Variants in IMMT observed in about 807,000 individuals in gnomAD.
IMMT encodes inner membrane mitochondrial protein.
A neutral mutation model predicts 92.7 loss-of-function variants in IMMT; 40 were observed. That is an observed-to-expected ratio of 0.43 (90% CI 0.34 to 0.56). The LOEUF is 0.56. Ranked by LOEUF, IMMT falls within the 20% of genes least tolerant of loss-of-function variation. The probability of loss-of-function intolerance (pLI) is 0.03; values close to 1 mark genes in which losing one functional copy is unlikely to be tolerated. For missense variants in IMMT, 831 were observed against 912.1 expected (o/e 0.91, Z 1.14); for synonymous variants, 322 against 336.1 (o/e 0.96, Z 0.46).
At chr2:86,151,610 G>A in intron 11 of IMMT, 90 bp from the exon 12 acceptor site, 1 of 974,808 alleles carries the variant, frequency 1.0e-6, no homozygotes, top group East Asian at 2.5e-5. Flanking sequence ...TATAATTTAA[G>A]AGCAGTAAAC....
chr2:86,185,836 A>G (rs530519557), intron 1 of IMMT, among the ~76,000 whole-genome samples: 1 of 152,232 alleles, frequency 6.6e-6, no homozygotes, highest in Non-Finnish European at 1.5e-5. Flanking sequence ...TATTCTGGAA[A>G]CGGAAGAATA....
intron 6 of IMMT, among the ~76,000 whole-genome samples, chr2:86,170,101 T>C (rs957574530): frequency 5.3e-5 from 8 of 150,932 alleles, no homozygotes; most frequent in Admixed American, 4.0e-4. Context: ...TTTACAAGTA[T>C]AAATTAACAA....
chr2:86,145,985 T>C, intron 14 of IMMT, 83 bp downstream of exon 14: 2 of 1,132,424 alleles, frequency 1.8e-6, no homozygotes, highest in South Asian at 2.2e-5. Context: ...TGTCAGTACA[T>C]GTACCCCATT....
chr2:86,181,781 G>A (rs569108603), intron 1 of IMMT, among the ~76,000 whole-genome samples: 4 of 152,154 alleles, frequency 2.6e-5, no homozygotes, highest in East Asian at 3.9e-4. Context: ...AAAACATGGC[G>A]TTACAGGATA....
Position 86,144,764 on chromosome 2 carries a change from C to T in IMMT, c.1781G>A (p.Ser594Asn). 6.2e-7 allele frequency: 1 copy of T among 1,613,758 alleles called. No individual in the cohort carries two copies. The highest frequency in any genetic ancestry group is 8.5e-7 in the Non-Finnish European group (1 of 1,179,904). The change falls in exon 15 of 15, where the codon AGT (serine) becomes AAT (asparagine). Residue 594 changes from serine to asparagine, a missense_variant. By Grantham distance (46) the Ser-to-Asn change is conservative (BLOSUM62 1). Coordinates refer to ENST00000410111, the MANE Select transcript of IMMT (RefSeq NM_006839.3). ...SAETPTIPLGSAVEAIKANCS... is the reference protein window; with the variant it reads ...SAETPTIPLGNAVEAIKANCS... ...GTTGGCTTTGATGGCCTCAACTGCACTACCCAGCGGGATAGTAGGTGTTTC... is the reference window on the plus strand; with the variant it reads ...GTTGGCTTTGATGGCCTCAACTGCATTACCCAGCGGGATAGTAGGTGTTTC...
intron 1 of IMMT, among the ~76,000 whole-genome samples, chr2:86,193,963 G>A (rs1370226959): frequency 6.6e-6 from 1 of 152,206 alleles, no homozygotes; most frequent in Non-Finnish European, 1.5e-5. Context: ...AGAGAGGAAA[G>A]ACCAAAGTAA....
chr2:86,185,830 CT>C (rs1199961492), intron 1 of IMMT, among the ~76,000 whole-genome samples: 1 of 152,120 alleles, frequency 6.6e-6, no homozygotes, highest in Non-Finnish European at 1.5e-5. Flanking sequence ...ACAACATATT[CT>C]GGAAACGGAA....
chr2:86,184,951 G>A (rs1438135458), intron 1 of IMMT, among the ~76,000 whole-genome samples: 3 of 152,284 alleles, frequency 2.0e-5, no homozygotes, highest in African/African-American at 4.8e-5. Context: ...CACTTTGGGA[G>A]GCCGAAGCGG....
intron 9 of IMMT, among the ~76,000 whole-genome samples, chr2:86,159,042 C>T (rs1413904126): frequency 6.7e-6 from 1 of 150,054 alleles, no homozygotes; most frequent in Non-Finnish European, 1.5e-5. Flanking sequence ...TAGAAAGTAT[C>T]AACAATATGG....
intron 7 of IMMT, among the ~76,000 whole-genome samples, chr2:86,163,753 A>G (rs1676449658): frequency 6.6e-6 from 1 of 151,844 alleles, no homozygotes; most frequent in Non-Finnish European, 1.5e-5. Context: ...TGAGCAGATC[A>G]CCTGAGGTCA....
chr2:86,160,118 G>GA (rs1676165681), intron 8 of IMMT: 1 of 152,650 alleles, frequency 6.6e-6, no homozygotes, highest in Non-Finnish European at 1.5e-5. Context: ...ATCAACAACT[G>GA]AAAACACCTT....
chr2:86,185,819 G>A (rs563336941), intron 1 of IMMT, among the ~76,000 whole-genome samples: 18 of 152,142 alleles, frequency 1.2e-4, no homozygotes, highest in Non-Finnish European at 1.9e-4. Flanking sequence ...AGCTGTAACA[G>A]ACAACATATT....
intron 12 of IMMT, among the ~76,000 whole-genome samples, chr2:86,149,072 G>A (rs1181601848): frequency 6.6e-6 from 1 of 152,234 alleles, no homozygotes; most frequent in Non-Finnish European, 1.5e-5. Context: ...GACCTGTTGT[G>A]AAGCATCAAC....
chr2:86,167,484 GTTTTTT>G (rs66768832), intron 6 of IMMT, among the ~76,000 whole-genome samples: 1 of 123,168 alleles, frequency 8.1e-6, no homozygotes. Context: ...TTTGTTTTTT[GTTTTTT>G]TTTTTTTTTT....
At chr2:86,147,629 C>A (rs763930479) in intron 13 of IMMT, 73 bp downstream of exon 13, 13 of 1,442,836 alleles carry the variant, frequency 9.0e-6, no homozygotes, top group Non-Finnish European at 1.2e-5. Flanking sequence ...CCTCAGAGTA[C>A]ATTAAAAGGA....
chr2:86,174,570 T>C (rs1213046581), intron 3 of IMMT, among the ~76,000 whole-genome samples: 1 of 152,196 alleles, frequency 6.6e-6, no homozygotes, highest in African/African-American at 2.4e-5. Context: ...AACTTGCCTC[T>C]TCACTGCTCC....
chr2:86,154,140 A>AG lies in IMMT; in HGVS notation c.1163-567dup, dbSNP rs773586231. 1.1e-4 allele frequency among the ~76,000 whole-genome samples: 17 copies of AG among 150,600 alleles called. No individual in the cohort carries two copies. In the East Asian group the frequency reaches 2.9e-3, roughly 26 times the overall value. ...CAGCCTCCCAAAGTGCTGGGATTACAGGCATGAGCCACTGCACCCAGCAAC... is the reference window on the plus strand; with the variant it reads ...CAGCCTCCCAAAGTGCTGGGATTACAGGGCATGAGCCACTGCACCCAGCAAC... On this transcript the variant is annotated intron_variant, in intron 10 of 14. Coordinates refer to ENST00000410111, the MANE Select transcript of IMMT (RefSeq NM_006839.3).
chr2:86,165,624 A>G (rs1221192233), intron 7 of IMMT, among the ~76,000 whole-genome samples: 1 of 152,178 alleles, frequency 6.6e-6, no homozygotes, highest in Non-Finnish European at 1.5e-5. Context: ...TTACTCCTTA[A>G]ATGACTTGGA....
rs56964046 is a variant in IMMT, at chr2:86,164,689, C to CAAAA, written c.792+1815_792+1818dup. Among the ~76,000 whole-genome samples, 77 of 111,416 alleles carry CAAAA rather than the reference C, an allele frequency of 6.9e-4. 1 individual carries two copies. The highest frequency in any genetic ancestry group is 2.6e-3 in the African/African-American group (72 of 27,444). The allele number at this position is 111,416 out of a possible 152,430, so 73.1% of individuals were successfully genotyped here. A position where few individuals can be genotyped will look rare whatever the true frequency, so the allele number is the denominator to read the frequency against. On this transcript the variant is annotated intron_variant, in intron 7 of 14. Transcript: ENST00000410111. ...CTGGTGACAGAGCAAGACTCTGTCTCAAAAAAAAAAAAAAAGGAATGGATG... is the reference window on the plus strand; with the variant it reads ...CTGGTGACAGAGCAAGACTCTGTCTCAAAAAAAAAAAAAAAAAAAGGAATGGATG...
Sources: allele counts gnomAD v4.1 joint callset (sites outside exome capture counted in the v4.1 genomes callset), GRCh38; gene constraint gnomAD v4.1.1; transcripts MANE v1.5; gene names NCBI Gene and HGNC (gene_info 2026-07-23, HGNC 2026-07-21).